The following EDEM1 variants were observed in gnomAD, a reference collection of about 807,000 sequenced individuals.
EDEM1 encodes the protein ER degradation-enhancing alpha-mannosidase-like protein 1.
EDEM1 carries 67 observed loss-of-function variants against 74.4 expected under a neutral mutation model. The ratio of observed to expected loss-of-function variants is 0.90; its 90% CI spans 0.74 to 1.10. The LOEUF is 1.10. Among genes scored for constraint, EDEM1 ranks in the 50% least tolerant of loss-of-function variants. The pLI is 0.00. For missense variants in EDEM1, 926 were observed against 851.6 expected (o/e 1.09, Z -1.09); for synonymous variants, 382 against 335.9 (o/e 1.14, Z -1.50).
chr3:5,204,874 T>C (rs2055076131), intron 5 of EDEM1, among the ~76,000 whole-genome samples, 193 bp from the exon 6 acceptor site: 1 of 152,212 alleles, frequency 6.6e-6, no homozygotes, highest in East Asian at 1.9e-4. Context: ...AAATGCTATA[T>C]ATTTAGAAGA....
Position 5,188,157 on chromosome 3 carries a change from T to C in EDEM1, c.352T>C (p.Tyr118His). The change falls in exon 1 of 12, where the codon TAC (tyrosine) becomes CAC (histidine). Residue 118 changes from tyrosine to histidine, a missense_variant. Transcript: ENST00000256497. ...CGGCCCGGACGAGTACGAGAAGCGC[T>C]ACAGCGGCGCCTTCCCTCCGCAGCT... is the stretch of plus-strand genomic sequence containing the variant. ...GRGPDEYEKR[Y>H]SGAFPPQLRA... The C allele has an allele frequency of 1.3e-6, 2 of 1,544,854 alleles. No homozygotes were observed. Among genetic ancestry groups the C allele is most frequent in the East Asian group, 2.5e-5 (1 of 39,648 alleles).
chr3:5,202,903 C>T (rs1395733224), intron 4 of EDEM1, 63 bp from the exon 5 acceptor site: 24 of 1,513,158 alleles, frequency 1.6e-5, no homozygotes, highest in Admixed American at 3.7e-5. Context: ...CTCTGAGACC[C>T]GGCTTTTCAG....
At position 5,216,679 on chromosome 3, in the gene EDEM1, G is replaced by C. The variant is rs2055241240; in HGVS notation, c.*761G>C. The C allele has an allele frequency of 6.6e-6, 1 of 152,636 alleles. No homozygotes were observed. Among genetic ancestry groups the C allele is most frequent in the Non-Finnish European group, 1.5e-5 (1 of 68,040 alleles). The allele number at this position is 152,636 out of a possible 1,614,324, so 9.5% of individuals were successfully genotyped here. A position where few individuals can be genotyped will look rare whatever the true frequency, so the allele number is the denominator to read the frequency against. ...TGCTTAAGAAGAATGGTCTTAACCAGAATTCTTAACAGATAGTCTCTTAGG... is the reference window on the plus strand; with the variant it reads ...TGCTTAAGAAGAATGGTCTTAACCACAATTCTTAACAGATAGTCTCTTAGG... On this transcript the variant is annotated 3_prime_UTR_variant, in exon 12 of 12. Coordinates refer to ENST00000256497, the MANE Select transcript of EDEM1 (RefSeq NM_014674.3).
At chr3:5,201,468 C>A (rs1439039745) in intron 3 of EDEM1, among the ~76,000 whole-genome samples, 2 of 152,114 alleles carry the variant, frequency 1.3e-5, no homozygotes, top group Admixed American at 6.6e-5. Context: ...TTTCTTAATG[C>A]CCTAAGATTT....
rs1381938694 is a variant in EDEM1, at chr3:5,201,900, C to T, written c.834C>T (p.Thr278=). The change falls in exon 4 of 12, where the codon ACC becomes ACT. Residue 278 remains threonine, a synonymous_variant. Coordinates refer to ENST00000256497, the MANE Select transcript of EDEM1 (RefSeq NM_014674.3). ...GGCTCCTCCCTGCTTTTGAAAACACCAAGACAGGGATTCCATATCCTCGGG... is the reference window on the plus strand; with the variant it reads ...GGCTCCTCCCTGCTTTTGAAAACACTAAGACAGGGATTCCATATCCTCGGG... ...AVRLLPAFEN[T]KTGIPYPRVN... 1 of 1,613,794 alleles carries T rather than the reference C, an allele frequency of 6.2e-7. No homozygotes were observed. Among genetic ancestry groups the T allele is most frequent in the Non-Finnish European group, 8.5e-7 (1 of 1,179,962 alleles).
chr3:5,204,306 C>G (rs577935896), intron 5 of EDEM1, among the ~76,000 whole-genome samples: 1 of 151,840 alleles, frequency 6.6e-6, no homozygotes, highest in Non-Finnish European at 1.5e-5. Flanking sequence ...CAGGTTGTTG[C>G]CTTGCATTCA....
At chr3:5,208,318 A>T in intron 8 of EDEM1, 55 bp downstream of exon 8, 2 of 1,569,396 alleles carry the variant, frequency 1.3e-6, no homozygotes, top group Non-Finnish European at 8.6e-7. Context: ...TGACCCCAGC[A>T]GTTCATTCTT....
chr3:5,204,612 G>A (rs138997337), intron 5 of EDEM1, among the ~76,000 whole-genome samples: 2,399 of 151,938 alleles, frequency 0.016, 55 homozygotes, highest in African/African-American at 0.056. Flanking sequence ...GGCTGGTCTC[G>A]AACTCCTGAG....
Position 5,205,078 on chromosome 3 carries a change from A to G in EDEM1, c.1054A>G (p.Asn352Asp), listed in dbSNP as rs765819674. The G allele has an allele frequency of 1.2e-6, 2 of 1,614,010 alleles. No homozygotes were observed. Among genetic ancestry groups the G allele is most frequent in the South Asian group, 1.1e-5 (1 of 91,078 alleles). The change falls in exon 6 of 12, where the codon AAC (asparagine) becomes GAC (aspartate). Residue 352 changes from asparagine (N) to aspartate (D), a missense_variant. Transcript: ENST00000256497. ...GTTTATTTTTGCAGGCAATGTCGTG[A>G]ACATTCAGACGGGCCACTGGGTTGG... ...NDTGLLGNVV[N>D]IQTGHWVGKQ...
chr3:5,202,996 A>G lies in EDEM1; in HGVS notation c.889A>G (p.Thr297Ala). ...VNLKTGVPPD[T>A]NNETCTAGAG... is the part of the protein sequence containing the mutation. The stretch of plus-strand genomic sequence containing the variant: ...TCTAAAGACAGGAGTTCCTCCTGAC[A>G]CCAATAATGAGACATGCACAGCGGG... Residue 297 changes from threonine to alanine, a missense_variant, in exon 5 of 12, where the codon ACC becomes GCC. Physicochemically the swap from Thr to Ala is moderately conservative, Grantham distance 58 (BLOSUM62 0). Transcript: ENST00000256497. 11 of 1,613,716 alleles carry G rather than the reference A, an allele frequency of 6.8e-6. No homozygotes were observed. The highest frequency in any genetic ancestry group is 5.9e-6 in the Non-Finnish European group (7 of 1,179,828).
chr3:5,202,409 A>T (rs1043260446), intron 4 of EDEM1, among the ~76,000 whole-genome samples: 1 of 152,224 alleles, frequency 6.6e-6, no homozygotes, highest in Admixed American at 6.5e-5. Context: ...AGGATCTGGA[A>T]TTAGATTATA....
At chr3:5,191,450 C>T (rs546872567) in intron 1 of EDEM1, among the ~76,000 whole-genome samples, 1 of 151,596 alleles carries the variant, frequency 6.6e-6, no homozygotes, top group African/African-American at 2.4e-5. Context: ...CCAGGATGGT[C>T]TCAAACCCCT....
chr3:5,189,817 GTCTCA>G (rs749901885), intron 1 of EDEM1, among the ~76,000 whole-genome samples: 1 of 152,192 alleles, frequency 6.6e-6, no homozygotes, highest in African/African-American at 2.4e-5. Flanking sequence ...AGCCAGGATG[GTCTCA>G]TCTCCTGACC....
At chr3:5,205,541 G>T (rs556914507) in intron 6 of EDEM1, among the ~76,000 whole-genome samples, 1 of 152,370 alleles carries the variant, frequency 6.6e-6, no homozygotes, top group Non-Finnish European at 1.5e-5. Flanking sequence ...CTCTCCTGAG[G>T]TTGTTGTCAA....
At chr3:5,195,543 T>G (rs762126630) in intron 2 of EDEM1, among the ~76,000 whole-genome samples, 1 of 152,136 alleles carries the variant, frequency 6.6e-6, no homozygotes, top group Non-Finnish European at 1.5e-5. Flanking sequence ...TTTTAACCAG[T>G]TTCTATCTTA....
chr3:5,193,185 T>C (rs2054922247), intron 1 of EDEM1, among the ~76,000 whole-genome samples: 1 of 152,160 alleles, frequency 6.6e-6, no homozygotes, highest in Non-Finnish European at 1.5e-5. Context: ...GCTTGGATGC[T>C]ACATGATGAG....
intron 11 of EDEM1, 28 bp downstream of exon 11, chr3:5,213,550 G>C: frequency 6.4e-7 from 1 of 1,574,314 alleles, no homozygotes; most frequent in South Asian, 1.2e-5. Context: ...GGGGTGATTT[G>C]CATATAGAGG....
rs137974758 is a variant in EDEM1 at position 5,212,308 on chromosome 3, C to T, written c.1681-1011C>T. 1.7e-3 allele frequency among the ~76,000 whole-genome samples: 252 copies of T among 152,292 alleles called. 2 individuals are homozygous for T. Among genetic ancestry groups the T allele is most frequent in the Admixed American group, 5.2e-3 (80 of 15,302 alleles). ...CCACCAGCAGCCCATGTGATCTGTCCAGTGGGAAGACAGCTGTCCTGCTGT... is the reference window on the plus strand; with the variant it reads ...CCACCAGCAGCCCATGTGATCTGTCTAGTGGGAAGACAGCTGTCCTGCTGT... On this transcript the variant is annotated intron_variant, in intron 10 of 11. Coordinates refer to ENST00000256497, the MANE Select transcript of EDEM1 (RefSeq NM_014674.3).
At chr3:5,215,049 C>T (rs1357234014) in intron 11 of EDEM1, among the ~76,000 whole-genome samples, 3 of 152,164 alleles carry the variant, frequency 2.0e-5, no homozygotes, top group African/African-American at 7.2e-5. Context: ...GAAGCAGTAG[C>T]ACCTGCAAAA....
Sources: gnomAD v4.1 joint callset for allele counts (sites outside exome capture counted in the v4.1 genomes callset) on GRCh38, gnomAD v4.1.1 for gene constraint, MANE v1.5 for transcripts, NCBI Gene and HGNC (gene_info 2026-07-23, HGNC 2026-07-21) for gene names.